Variants in CALU observed in about 807,000 individuals in gnomAD.
The protein encoded by CALU is calumenin.
In CALU, 13 loss-of-function variants were observed where a neutral mutation model predicts 37.5. That is an observed-to-expected ratio of 0.35 (90% CI 0.23 to 0.55). The LOEUF (loss-of-function observed/expected upper bound fraction) is 0.55, where lower values mean the gene tolerates loss of function less well. Among genes scored for constraint, CALU ranks in the 20% least tolerant of loss-of-function variants. CALU has a pLI of 0.89. For synonymous variants in CALU, 114 were observed against 133.8 expected (o/e 0.85, Z 1.02); for missense variants, 282 against 391.7 (o/e 0.72, Z 2.36).
intron 5 of CALU, 84 bp downstream of exon 5, chr7:128,759,936 G>A (rs368428058): frequency 5.8e-5 from 46 of 799,608 alleles, no homozygotes; most frequent in South Asian, 4.4e-4. Flanking sequence ...AGTGGCTCAT[G>A]CCTGTAATCC....
intron 3 of CALU, chr7:128,754,809 T>C (rs1410281257): frequency 1.3e-5 from 9 of 699,752 alleles, no homozygotes; most frequent in Non-Finnish European, 1.9e-5. Flanking sequence ...AGGAAGCTTA[T>C]CTTAAATAGT....
At chr7:128,762,622 T>A (rs1801165398) in intron 5 of CALU, among the ~76,000 whole-genome samples, 1 of 152,042 alleles carries the variant, frequency 6.6e-6, no homozygotes. Context: ...TTTTTATTTT[T>A]AAAATTTATT....
chr7:128,744,727 C>T (rs919342481), intron 1 of CALU, among the ~76,000 whole-genome samples: 2 of 152,070 alleles, frequency 1.3e-5, no homozygotes, highest in East Asian at 1.9e-4. Context: ...GAGGAGCAAG[C>T]ATGAAGGAAC....
intron 1 of CALU, among the ~76,000 whole-genome samples, chr7:128,747,172 C>T (rs367833016): frequency 6.6e-6 from 1 of 152,184 alleles, no homozygotes; most frequent in East Asian, 1.9e-4. Context: ...TGTGAACTGT[C>T]ATCATTGAAC....
chr7:128,772,175 GAA>G lies in CALU; in HGVS notation c.*3020_*3021del, dbSNP rs397748997. ...TCATCTCAGAATGGATCCCCAGCAGGAAAAAAAAAAAAAGTTACTAAAAAGGA... is the reference window on the plus strand; with the variant it reads ...TCATCTCAGAATGGATCCCCAGCAGGAAAAAAAAAAAGTTACTAAAAAGGA... On this transcript the variant is annotated 3_prime_UTR_variant, in exon 7 of 7. Coordinates refer to ENST00000249364, the MANE Select transcript of CALU (RefSeq NM_001219.5). Among the ~76,000 whole-genome samples the G allele has an allele frequency of 1.4e-5, 2 of 143,802 alleles. No homozygotes were observed. The highest frequency in any genetic ancestry group is 1.5e-5 in the Non-Finnish European group (1 of 65,904). 94.3% of individuals were successfully genotyped at this position (143,802 alleles called of 152,430 possible).
At chr7:128,763,282 A>G (rs939343597) in intron 5 of CALU, among the ~76,000 whole-genome samples, 15 of 152,074 alleles carry the variant, frequency 9.9e-5, no homozygotes, top group Admixed American at 9.8e-4. Context: ...TGTAATCCCA[A>G]CACTTTGGGA....
chr7:128,764,886 C>T (rs1037413995), intron 5 of CALU, among the ~76,000 whole-genome samples: 1 of 152,100 alleles, frequency 6.6e-6, no homozygotes, highest in Non-Finnish European at 1.5e-5. Context: ...AAACTGTTAA[C>T]CAACTTGGAC....
At chr7:128,768,998 C>A in intron 6 of CALU, 65 bp from the exon 7 acceptor site, 1 of 896,364 alleles carries the variant, frequency 1.1e-6, no homozygotes, top group Non-Finnish European at 1.8e-6. Context: ...TCTTCTATAA[C>A]AGTGTTTCTG....
At chr7:128,740,636 A>T (rs1231671318) in intron 1 of CALU, among the ~76,000 whole-genome samples, 2 of 108,534 alleles carry the variant, frequency 1.8e-5, no homozygotes, top group Admixed American at 2.9e-4. Flanking sequence ...ACCTAATCTG[A>T]GGTTTTACTG....
At chr7:128,751,514 C>T (rs1209115577) in intron 2 of CALU, among the ~76,000 whole-genome samples, 2 of 151,976 alleles carry the variant, frequency 1.3e-5, no homozygotes, top group African/African-American at 4.8e-5. Context: ...ATTGCTTGAG[C>T]TCAGGAGTTC....
intron 2 of CALU, among the ~76,000 whole-genome samples, chr7:128,749,766 A>G (rs1800587713): frequency 6.6e-6 from 1 of 152,240 alleles, no homozygotes; most frequent in Non-Finnish European, 1.5e-5. Context: ...CAACATTGAC[A>G]GAAATAATAA....
At chr7:128,755,008 C>A (rs1444334626) in intron 3 of CALU, among the ~76,000 whole-genome samples, 1 of 151,714 alleles carries the variant, frequency 6.6e-6, no homozygotes, top group Non-Finnish European at 1.5e-5. Flanking sequence ...GAGTAGATTT[C>A]ATTTAAAAGA....
At chr7:128,758,659 A>C (rs182561091) in intron 3 of CALU, among the ~76,000 whole-genome samples, 1 of 152,342 alleles carries the variant, frequency 6.6e-6, no homozygotes, top group East Asian at 1.9e-4. Context: ...CAGGAGCCAG[A>C]GTTCCATGTG....
intron 3 of CALU, among the ~76,000 whole-genome samples, chr7:128,758,515 A>G (rs948707147): frequency 6.6e-6 from 1 of 152,256 alleles, no homozygotes; most frequent in Non-Finnish European, 1.5e-5. Context: ...CCAAACAGCT[A>G]GAAAATGGTA....
At chr7:128,762,875 C>G (rs1333377887) in intron 5 of CALU, among the ~76,000 whole-genome samples, 2 of 152,012 alleles carry the variant, frequency 1.3e-5, no homozygotes, top group Non-Finnish European at 2.9e-5. Flanking sequence ...CCATGTTGGC[C>G]AGGGTGATCT....
chr7:128,755,066 A>T (rs1800820411), intron 3 of CALU, among the ~76,000 whole-genome samples: 1 of 151,382 alleles, frequency 6.6e-6, no homozygotes, highest in Non-Finnish European at 1.5e-5. Context: ...GCACTTTGGG[A>T]TGCTGAGGCA....
At chr7:128,768,866 A>AAAAAAAAAAAAAAAAAAAAAAAAAAAAG (rs1801444054) in intron 6 of CALU, among the ~76,000 whole-genome samples, 197 bp from the exon 7 acceptor site, 1 of 150,894 alleles carries the variant, frequency 6.6e-6, no homozygotes, top group African/African-American at 2.4e-5. Context: ...AAAAAAAAAA[A>AAAAAAAAAAAAAAAAAAAAAAAAAAAAG]AACAAGGAAT....
At chr7:128,765,907 A>C (rs1801309545) in intron 5 of CALU, among the ~76,000 whole-genome samples, 1 of 152,022 alleles carries the variant, frequency 6.6e-6, no homozygotes, top group Non-Finnish European at 1.5e-5. Context: ...AGTTCTTGGA[A>C]CTCCTTTTGA....
At chr7:128,754,619 C>T in intron 3 of CALU, 164 bp downstream of exon 3, 1 of 1,551,582 alleles carries the variant, frequency 6.4e-7, no homozygotes, top group Middle Eastern at 1.7e-4. Flanking sequence ...AGAAGAAATA[C>T]ATATATGACA....
Sources: gnomAD v4.1 joint callset for allele counts (sites outside exome capture counted in the v4.1 genomes callset) on GRCh38, gnomAD v4.1.1 for gene constraint, MANE v1.5 for transcripts, NCBI Gene and HGNC (gene_info 2026-07-23, HGNC 2026-07-21) for gene names.